Variants in TANC1 observed in about 807,000 individuals in gnomAD.
TANC1 encodes the protein tetratricopeptide repeat, ankyrin repeat and coiled-coil containing 1.
A neutral mutation model predicts 149.7 loss-of-function variants in TANC1; 77 were observed. That is an observed-to-expected ratio of 0.51 (90% CI 0.43 to 0.62). The LOEUF (loss-of-function observed/expected upper bound fraction) is 0.62. TANC1 is among the 20% of genes least tolerant of loss of function. The pLI is 0.00. For synonymous variants in TANC1, 854 were observed against 925.0 expected, an observed-to-expected ratio of 0.92 and a Z score of 1.39; for missense variants, 1,985 against 2,321.8, an observed-to-expected ratio of 0.85 and a Z score of 2.98.
chr2:159,047,423 A>C (rs1315782354), intron 2 of TANC1, among the ~76,000 whole-genome samples: 1 of 152,162 alleles, frequency 6.6e-6, no homozygotes, highest in African/African-American at 2.4e-5. Flanking sequence ...CCACCGTGAA[A>C]GAAAAATATC....
rs10603858 is a variant in TANC1, at chr2:159,207,697, C to CAAAAAAAAAAAAAAAAAAAAAAAAAA, written c.3244+8649_3244+8674dup. On this transcript the variant is annotated intron_variant, in intron 19 of 26. Transcript: ENST00000263635. ...CTGGGCGACTGAGCAACACGTGTCTCAAAAAAAAAAAAAAAAAAAAAAAAA... is the reference window on the plus strand; with the variant it reads ...CTGGGCGACTGAGCAACACGTGTCTCAAAAAAAAAAAAAAAAAAAAAAAAAAAAAAAAAAAAAAAAAAAAAAAAAAA... Among the ~76,000 whole-genome samples the CAAAAAAAAAAAAAAAAAAAAAAAAAA allele has an allele frequency of 3.2e-4, 16 of 49,432 alleles. 2 individuals are homozygous for CAAAAAAAAAAAAAAAAAAAAAAAAAA. Among genetic ancestry groups the CAAAAAAAAAAAAAAAAAAAAAAAAAA allele is most frequent in the Non-Finnish European group, 4.2e-4 (14 of 33,188 alleles). 32.4% of individuals were successfully genotyped at this position (49,432 alleles called of 152,430 possible).
chr2:159,057,945 T>G (rs1462770693), intron 2 of TANC1, among the ~76,000 whole-genome samples: 2 of 152,220 alleles, frequency 1.3e-5, no homozygotes, highest in African/African-American at 4.8e-5. Context: ...TTTTGTCTTC[T>G]AGTTAGCCGT....
intron 2 of TANC1, among the ~76,000 whole-genome samples, chr2:159,023,216 G>T (rs190127624): frequency 3.2e-4 from 48 of 152,168 alleles, no homozygotes; most frequent in African/African-American, 1.1e-3. Context: ...TGTCCAGGTG[G>T]AATAAAAGGA....
chr2:159,092,762 A>G (rs2045679670), intron 3 of TANC1, among the ~76,000 whole-genome samples: 1 of 152,230 alleles, frequency 6.6e-6, no homozygotes, highest in African/African-American at 2.4e-5. Flanking sequence ...GCTATATGTA[A>G]CCTGCAAAGT....
intron 2 of TANC1, among the ~76,000 whole-genome samples, chr2:159,039,744 A>G (rs908116008): frequency 4.6e-5 from 7 of 152,046 alleles, no homozygotes; most frequent in Admixed American, 1.3e-4. Flanking sequence ...GTTCTTTTAC[A>G]TTTGCTGAGG....
intron 1 of TANC1, among the ~76,000 whole-genome samples, chr2:158,993,315 A>G (rs1048116203): frequency 2.0e-5 from 3 of 152,176 alleles, no homozygotes; most frequent in African/African-American, 4.8e-5. Flanking sequence ...GCAGGAGTGC[A>G]ATGGCACGAT....
intron 2 of TANC1, among the ~76,000 whole-genome samples, chr2:159,034,348 A>G (rs1482687838): frequency 6.6e-6 from 1 of 152,140 alleles, no homozygotes. Context: ...TTGAGGCATA[A>G]ATATTTCCCA....
chr2:159,054,052 G>A (rs992971376), intron 2 of TANC1, among the ~76,000 whole-genome samples: 1 of 152,228 alleles, frequency 6.6e-6, no homozygotes, highest in Non-Finnish European at 1.5e-5. Flanking sequence ...TGTGAGCCGT[G>A]TGTATGTTTG....
At chr2:159,137,838 C>T (rs1181019194) in intron 5 of TANC1, among the ~76,000 whole-genome samples, 2 of 152,186 alleles carry the variant, frequency 1.3e-5, no homozygotes, top group African/African-American at 4.8e-5. Context: ...GGCCTAGGCT[C>T]CATTATGTAA....
At chr2:159,094,932 T>G (rs1332942541) in intron 3 of TANC1, among the ~76,000 whole-genome samples, 1 of 151,972 alleles carries the variant, frequency 6.6e-6, no homozygotes, top group Non-Finnish European at 1.5e-5. Flanking sequence ...GTGAGAGGTG[T>G]TTTTTTATTG....
chr2:159,137,406 G>A (rs1235372370), intron 5 of TANC1, among the ~76,000 whole-genome samples: 1 of 152,178 alleles, frequency 6.6e-6, no homozygotes, highest in Non-Finnish European at 1.5e-5. Context: ...GCCAGGCACT[G>A]GGCACTCTGG....
At position 159,186,980 on chromosome 2, in the gene TANC1, G is replaced by A. The variant is rs774260498; in HGVS notation, c.2698G>A (p.Ala900Thr). Residue 900 changes from alanine to threonine, a missense_variant, in exon 16 of 27, where the codon GCC becomes ACC. Coordinates refer to ENST00000263635, the MANE Select transcript of TANC1 (RefSeq NM_033394.3). ...CGGCTACAGCACCGAGGGGCTGTCC[G>A]CCGCCCTGGCCTCTCTCAGGAATCT... ...WIGYSTEGLS[A>T]ALASLRNLYT... 9.3e-6 allele frequency: 15 copies of A among 1,613,998 alleles called. No individual in the cohort carries two copies. The highest frequency in any genetic ancestry group is 8.3e-5 in the Admixed American group (5 of 60,000).
intron 19 of TANC1, among the ~76,000 whole-genome samples, chr2:159,202,614 G>C: frequency 6.6e-6 from 1 of 152,110 alleles, no homozygotes; most frequent in East Asian, 1.9e-4. Context: ...AAAGGCCCTA[G>C]TGGAGAATAA....
At chr2:158,971,377 C>T (rs1354483900) in intron 1 of TANC1, among the ~76,000 whole-genome samples, 4 of 152,008 alleles carry the variant, frequency 2.6e-5, no homozygotes, top group Non-Finnish European at 2.9e-5. Context: ...GGTTGAGAGT[C>T]TCATAGAAAA....
At chr2:159,073,861 T>A (rs914588887) in intron 3 of TANC1, among the ~76,000 whole-genome samples, 1 of 152,142 alleles carries the variant, frequency 6.6e-6, no homozygotes, top group Non-Finnish European at 1.5e-5. Context: ...GTGTAGTTCC[T>A]GAGTGGGGAG....
intron 3 of TANC1, among the ~76,000 whole-genome samples, chr2:159,090,941 A>G (rs1034958979): frequency 8.5e-5 from 13 of 152,094 alleles, no homozygotes; most frequent in African/African-American, 3.1e-4. Flanking sequence ...GGGCCTGGGT[A>G]CCTCCCAAAA....
chr2:159,094,772 TG>T (rs1183327487), intron 3 of TANC1, among the ~76,000 whole-genome samples: 94 of 66,894 alleles, frequency 1.4e-3, no homozygotes, highest in African/African-American at 9.1e-3. Context: ...CTTGTGTGTG[TG>T]TGGGGGGGGG....
At chr2:159,082,592 C>T (rs556902313) in intron 3 of TANC1, among the ~76,000 whole-genome samples, 25 of 152,244 alleles carry the variant, frequency 1.6e-4, no homozygotes, top group African/African-American at 5.8e-4. Context: ...GCCTTTCCAT[C>T]TGGAGCAGAT....
chr2:159,230,447 A>G lies in TANC1; in HGVS notation c.5021A>G (p.Lys1674Arg), dbSNP rs1559505733. ...GSSGSPSSSIKMSSSTSSLTS... is the reference protein window; with the variant it reads ...GSSGSPSSSIRMSSSTSSLTS... The stretch of plus-strand genomic sequence containing the variant: ...TCTGGTTCTCCATCCAGCAGCATAA[A>G]GATGTCAAGTTCAACCAGTAGTTTG... Residue 1674 changes from lysine (K) to arginine (R), a missense_variant, in exon 27 of 27, where the codon AAG (lysine) becomes AGG (arginine). Transcript: ENST00000263635. The surrounding 1 kb of genome is among the most constrained non-coding windows in gnomAD (Gnocchi z 4.4). The G allele has an allele frequency of 4.3e-6, 7 of 1,614,030 alleles. No individual in the cohort carries two copies. Among genetic ancestry groups the G allele is most frequent in the Non-Finnish European group, 5.9e-6 (7 of 1,180,036 alleles).
Sources: allele counts gnomAD v4.1 joint callset (sites outside exome capture counted in the v4.1 genomes callset), GRCh38; gene constraint gnomAD v4.1.1; non-coding constraint Gnocchi (gnomAD v3.1); transcripts MANE v1.5; gene names NCBI Gene and HGNC (gene_info 2026-07-23, HGNC 2026-07-21).